INSL6: variants seen among roughly 807,000 people sequenced by gnomAD.
INSL6 encodes the protein insulin-like peptide INSL6.
INSL6 carries 16 observed loss-of-function variants against 9.4 expected under a neutral mutation model. The ratio of observed to expected loss-of-function variants is 1.70; its 90% CI spans 1.15 to 2.59. INSL6 has a LOEUF of 2.59. INSL6 is among the 30% of genes most tolerant of loss of function. The pLI is 0.00. For missense variants in INSL6, 391 were observed against 257.3 expected, an observed-to-expected ratio of 1.52 and a Z score of -3.56; for synonymous variants, 154 against 96.9, an observed-to-expected ratio of 1.59 and a Z score of -3.46.
chr9:5,048,608 G>A, the INSL6 span, among the ~76,000 whole-genome samples: 1 of 152,104 alleles, frequency 6.6e-6, no homozygotes, highest in African/African-American at 2.4e-5. Context: ...AATTAATTTT[G>A]TATTAGCAAC....
chr9:5,123,189 A>G (rs181065550), downstream of INSL6: 47 of 1,094,588 alleles, frequency 4.3e-5, 1 homozygote, highest in African/African-American at 6.8e-4. Flanking sequence ...TTTATGGGGT[A>G]CAAGTACAAT....
chr9:5,155,324 G>A (rs1824793276), intron 2 of INSL6, among the ~76,000 whole-genome samples: 1 of 132,430 alleles, frequency 7.6e-6, no homozygotes, highest in African/African-American at 2.8e-5. Context: ...GGGGCCTGTT[G>A]CAGGGTTGGG....
chr9:5,106,210 AAAC>A, the INSL6 span, among the ~76,000 whole-genome samples: 4 of 152,148 alleles, frequency 2.6e-5, no homozygotes, highest in African/African-American at 9.7e-5. Flanking sequence ...TACAAGAAAA[AAAC>A]AACCCCATCA....
chr9:5,095,157 A>C, the INSL6 span: 1 of 151,876 alleles, frequency 6.6e-6, no homozygotes, highest in East Asian at 1.9e-4. Context: ...CCATATCCTA[A>C]AGTAAGTTCA....
chr9:5,167,836 C>G (rs1825089806), intron 1 of INSL6, among the ~76,000 whole-genome samples: 1 of 152,130 alleles, frequency 6.6e-6, no homozygotes, highest in Non-Finnish European at 1.5e-5. Flanking sequence ...ATCAGGTTAG[C>G]ACCCCTCTGG....
the INSL6 span, chr9:5,086,202 G>A: frequency 5.2e-6 from 3 of 576,246 alleles, no homozygotes; most frequent in Non-Finnish European, 6.8e-6. Flanking sequence ...CGCCGCCCCC[G>A]CCACCAGCGC....
chr9:5,073,760 T>C, the INSL6 span: 1 of 1,610,988 alleles, frequency 6.2e-7, no homozygotes, highest in Non-Finnish European at 8.5e-7. Context: ...TTTTAAATTA[T>C]GGAGTATGTG....
rs1241265170 is a variant in INSL6, at chr9:5,144,436, T to C, written c.377-10844A>G. 2.6e-5 allele frequency among the ~76,000 whole-genome samples: 4 copies of C among 152,220 alleles called. No homozygotes were observed. In the East Asian group the frequency reaches 7.7e-4, roughly 29 times the overall value. On this transcript the variant is annotated intron_variant, in intron 2 of 3. Coordinates refer to the INSL6 transcript ENST00000649639. ...TTACTTCTGATTACGTAATTGCTTT[T>C]AGAGTATGCCAAGTGGTGATGAGAT...
At chr9:5,158,943 A>G (rs1271546235), downstream of INSL6, among the ~76,000 whole-genome samples, 2 of 152,170 alleles carry the variant, frequency 1.3e-5, no homozygotes, top group Non-Finnish European at 1.5e-5. Context: ...GAACTTTTCA[A>G]GACAGACAGT....
At chr9:5,171,087 A>G (rs1314005704) in intron 1 of INSL6, among the ~76,000 whole-genome samples, 5 of 152,226 alleles carry the variant, frequency 3.3e-5, no homozygotes, top group Non-Finnish European at 4.4e-5. Flanking sequence ...AAAATCCTCA[A>G]TAAAATACTG....
In INSL6 at chr9:5,133,163, A is replaced by C. The variant is rs1006715451; in HGVS notation, c.*10+262T>G. On this transcript the variant is annotated intron_variant, in intron 3 of 3. Transcript: ENST00000649639. ...ATAAACAGATATGCAGTGATATTAGAGTGTCATGGTAGAGGAAATTAGGGA... is the reference window on the plus strand; with the variant it reads ...ATAAACAGATATGCAGTGATATTAGCGTGTCATGGTAGAGGAAATTAGGGA... Among the ~76,000 whole-genome samples the C allele has an allele frequency of 3.3e-5, 5 of 150,478 alleles. 1 individual carries two copies. Among genetic ancestry groups the C allele is most frequent in the African/African-American group, 1.3e-4 (5 of 39,892 alleles).
chr9:5,177,576 A>G (rs1825339915), intron 1 of INSL6, among the ~76,000 whole-genome samples: 1 of 152,210 alleles, frequency 6.6e-6, no homozygotes, highest in African/African-American at 2.4e-5. Context: ...ATGACAGTGC[A>G]TATCCCAAGG....
At chr9:5,173,249 C>T (rs773496377) in intron 1 of INSL6, among the ~76,000 whole-genome samples, 20 of 152,090 alleles carry the variant, frequency 1.3e-4, no homozygotes, top group Admixed American at 8.5e-4. Context: ...CCATTTGACC[C>T]AGCAATACCA....
At chr9:5,153,036 G>A (rs569240233) in intron 2 of INSL6, among the ~76,000 whole-genome samples, 3 of 152,204 alleles carry the variant, frequency 2.0e-5, no homozygotes, top group South Asian at 2.1e-4. Flanking sequence ...CATGGTCCTC[G>A]CAATCCGCAG....
chr9:5,174,609 T>C (rs751592061), intron 1 of INSL6, among the ~76,000 whole-genome samples: 3 of 152,218 alleles, frequency 2.0e-5, no homozygotes, highest in Admixed American at 6.5e-5. Context: ...CTATTTTCTA[T>C]GTACACTTAC....
chr9:5,044,319 G>C, the INSL6 span: 2 of 802,694 alleles, frequency 2.5e-6, no homozygotes, highest in Non-Finnish European at 4.3e-6. Flanking sequence ...ATACCTTTCA[G>C]TATGCTGTAG....
the INSL6 span, among the ~76,000 whole-genome samples, chr9:5,038,718 C>T: frequency 4.6e-5 from 7 of 151,586 alleles, no homozygotes; most frequent in African/African-American, 1.2e-4. Flanking sequence ...ATCAGGTTAG[C>T]GCTCTAAAGG....
the INSL6 span, among the ~76,000 whole-genome samples, chr9:5,063,409 G>C: frequency 6.6e-6 from 1 of 152,118 alleles, no homozygotes; most frequent in African/African-American, 2.4e-5. Context: ...TTGTAGTGTG[G>C]ACTGGAAGTT....
the INSL6 span, among the ~76,000 whole-genome samples, chr9:5,071,954 G>A: frequency 3.3e-5 from 5 of 152,196 alleles, no homozygotes; most frequent in African/African-American, 1.2e-4. Flanking sequence ...ATGTGTCATG[G>A]ACTGTGCTAA....
Sources: allele counts gnomAD v4.1 joint callset (sites outside exome capture counted in the v4.1 genomes callset), GRCh38; gene constraint gnomAD v4.1.1; transcripts MANE v1.5; gene names NCBI Gene and HGNC (gene_info 2026-07-23, HGNC 2026-07-21).